The following VPS45 variants were observed in gnomAD, a reference collection of about 807,000 sequenced individuals.
VPS45 encodes the protein vacuolar protein sorting 45 homolog.
Under a neutral mutation model 75.9 loss-of-function variants are expected in VPS45, and 35 were observed. That is an observed-to-expected ratio of 0.46 (90% CI 0.35 to 0.61). VPS45 has a LOEUF of 0.61. Among genes scored for constraint, VPS45 ranks in the 20% least tolerant of loss-of-function variants. The probability of loss-of-function intolerance (pLI) is 0.00; values close to 1 mark genes in which losing one functional copy is unlikely to be tolerated. For missense variants in VPS45, 559 were observed against 685.9 expected (o/e 0.81, Z 2.07); for synonymous variants, 220 against 238.2 (o/e 0.92, Z 0.70).
chr1:150,103,010 TAA>T (rs1394174374), intron 13 of VPS45, among the ~76,000 whole-genome samples: 1 of 152,110 alleles, frequency 6.6e-6, no homozygotes, highest in Non-Finnish European at 1.5e-5. Flanking sequence ...CCCCCAAACT[TAA>T]GTTAAAAATT....
Position 150,074,367 on chromosome 1 carries a change from C to CA in VPS45, c.290-1856dup, listed in dbSNP as rs1249465863. Among the ~76,000 whole-genome samples, 1,078 of 145,276 alleles carry CA rather than the reference C, an allele frequency of 7.4e-3. 9 individuals carry two copies. Among genetic ancestry groups the CA allele is most frequent in the Middle Eastern group, 0.035 (10 of 288 alleles). On this transcript the variant is annotated intron_variant, in intron 3 of 14. Coordinates refer to ENST00000644510, the MANE Select transcript of VPS45 (RefSeq NM_007259.5). ...TCATTCCTCCTTTGAGCTGGAACTGCAAAAAAAAAAGTTTTCTTAATTTAA... is the reference window on the plus strand; with the variant it reads ...TCATTCCTCCTTTGAGCTGGAACTGCAAAAAAAAAAAGTTTTCTTAATTTAA...
chr1:150,143,075 G>A (rs1659481853), intron 14 of VPS45: 1 of 232,564 alleles, frequency 4.3e-6, no homozygotes, highest in African/African-American at 2.3e-5. Flanking sequence ...AGGTGAGTAA[G>A]ACTTCCCCCT....
intron 14 of VPS45, among the ~76,000 whole-genome samples, chr1:150,132,749 C>G (rs116320224): frequency 0.015 from 2,221 of 152,286 alleles, 66 homozygotes; most frequent in African/African-American, 0.051. Flanking sequence ...TGTTTAAATT[C>G]CAGTTTTGCC....
chr1:150,082,336 G>A (rs587645045), intron 9 of VPS45, among the ~76,000 whole-genome samples: 7 of 152,100 alleles, frequency 4.6e-5, no homozygotes, highest in South Asian at 2.1e-4. Context: ...GTGAAACCCC[G>A]TCTCTACTAA....
In VPS45 at chr1:150,067,817, G is replaced by T. The variant is rs782192731; in HGVS notation, c.-41G>T. The T allele has an allele frequency of 6.3e-7, 1 of 1,598,726 alleles. No individual in the cohort carries two copies. The highest frequency in any genetic ancestry group is 8.6e-7 in the Non-Finnish European group (1 of 1,167,224). On this transcript the variant is annotated 5_prime_UTR_variant, in exon 1 of 15. The change creates a new upstream start codon in the 5' untranslated region. Coordinates refer to ENST00000644510, the MANE Select transcript of VPS45 (RefSeq NM_007259.5). ...ACTGGGGGTTAATTTAGCCAGAAAA[G>T]GGGGCGGGAAGGGCTGTAGGGTACT...
intron 14 of VPS45, among the ~76,000 whole-genome samples, chr1:150,115,782 T>C (rs1343594355): frequency 1.3e-5 from 2 of 151,504 alleles, no homozygotes; most frequent in Non-Finnish European, 2.9e-5. Context: ...ACTTTTTCAG[T>C]GAGGGTCTCT....
intron 13 of VPS45, among the ~76,000 whole-genome samples, chr1:150,108,272 G>T (rs1280287256): frequency 6.6e-6 from 1 of 152,184 alleles, no homozygotes; most frequent in African/African-American, 2.4e-5. Flanking sequence ...ATCAGCAGAT[G>T]TATTTACAAC....
At chr1:150,090,487 T>C (rs782566629) in intron 10 of VPS45, among the ~76,000 whole-genome samples, 1 of 152,204 alleles carries the variant, frequency 6.6e-6, no homozygotes, top group Non-Finnish European at 1.5e-5. Flanking sequence ...AAAAAAGGGT[T>C]ATGAGAATAT....
chr1:150,140,629 C>T (rs1489624528), intron 14 of VPS45, among the ~76,000 whole-genome samples: 1 of 151,850 alleles, frequency 6.6e-6, no homozygotes, highest in Non-Finnish European at 1.5e-5. Context: ...TAGAACAGTG[C>T]CTAGCACATA....
chr1:150,080,430 CA>C (rs762186771), intron 7 of VPS45, among the ~76,000 whole-genome samples: 48 of 152,192 alleles, frequency 3.2e-4, no homozygotes, highest in Non-Finnish European at 6.2e-4. Flanking sequence ...AGGCATGAGC[CA>C]CCATGCCCAG....
chr1:150,108,851 G>A (rs374590873), intron 13 of VPS45, among the ~76,000 whole-genome samples: 1 of 152,102 alleles, frequency 6.6e-6, no homozygotes, highest in South Asian at 2.1e-4. Context: ...GCAGAACTCA[G>A]GCCCTAATAC....
chr1:150,072,330 A>G, intron 3 of VPS45, 104 bp downstream of exon 3: 2 of 838,392 alleles, frequency 2.4e-6, no homozygotes, highest in Non-Finnish European at 3.6e-6. Context: ...CTGTCACTAT[A>G]AAAGTCTAGT....
At chr1:150,129,118 A>G (rs1390427486) in intron 14 of VPS45, among the ~76,000 whole-genome samples, 1 of 152,220 alleles carries the variant, frequency 6.6e-6, no homozygotes, top group Non-Finnish European at 1.5e-5. Flanking sequence ...GTCACTGACA[A>G]GCATTTATTG....
At chr1:150,140,695 G>A (rs1659350915) in intron 14 of VPS45, among the ~76,000 whole-genome samples, 1 of 152,090 alleles carries the variant, frequency 6.6e-6, no homozygotes, top group Non-Finnish European at 1.5e-5. Context: ...GAGTGATGAG[G>A]ATAAGGAGGG....
chr1:150,108,270 A>G (rs935813155), intron 13 of VPS45, among the ~76,000 whole-genome samples: 2 of 152,198 alleles, frequency 1.3e-5, no homozygotes, highest in Non-Finnish European at 2.9e-5. Context: ...CCATCAGCAG[A>G]TGTATTTACA....
At chr1:150,099,056 A>C in intron 13 of VPS45, 1 of 1,103,596 alleles carries the variant, frequency 9.1e-7, no homozygotes, top group Non-Finnish European at 1.1e-6. Flanking sequence ...TCCTGCAGTA[A>C]ATGCTCATAA....
chr1:150,117,675 G>A (rs1263479128), intron 14 of VPS45, among the ~76,000 whole-genome samples: 6 of 151,056 alleles, frequency 4.0e-5, no homozygotes, highest in African/African-American at 1.2e-4. Flanking sequence ...CCTGCGCAAT[G>A]TGGCGAAACT....
intron 10 of VPS45, among the ~76,000 whole-genome samples, chr1:150,090,348 T>TCTCTCCCCTTC (rs1317045270): frequency 6.6e-6 from 1 of 152,238 alleles, no homozygotes; most frequent in Non-Finnish European, 1.5e-5. Flanking sequence ...TCTTCCCCTT[T>TCTCTCCCCTTC]CTCTCCCCTT....
chr1:150,121,965 T>C (rs879989897), intron 14 of VPS45, among the ~76,000 whole-genome samples: 1 of 152,104 alleles, frequency 6.6e-6, no homozygotes, highest in Non-Finnish European at 1.5e-5. Flanking sequence ...TTGATAGTGC[T>C]TGGGGACAGT....
Sources: allele counts gnomAD v4.1 joint callset (sites outside exome capture counted in the v4.1 genomes callset), GRCh38; gene constraint gnomAD v4.1.1; transcripts MANE v1.5; gene names NCBI Gene and HGNC (gene_info 2026-07-23, HGNC 2026-07-21).